The following EEF1AKMT2 variants were observed in gnomAD, a reference collection of about 807,000 sequenced individuals.
EEF1AKMT2 encodes EEF1A lysine methyltransferase 2, also known as eukaryotic translation elongation factor 1 alpha lysine methyltransferase 2.
EEF1AKMT2 carries 32 observed loss-of-function variants against 35.8 expected under a neutral mutation model. The observed-to-expected ratio is 0.89, with a 90% CI of 0.67 to 1.20. The LOEUF is 1.20. Ranked by LOEUF, EEF1AKMT2 falls within the 50% of genes most tolerant of loss-of-function variation. The pLI is 0.00. For synonymous variants in EEF1AKMT2, 121 were observed against 133.7 expected, an observed-to-expected ratio of 0.91 and a Z score of 0.65; for missense variants, 330 against 347.5, an observed-to-expected ratio of 0.95 and a Z score of 0.40.
At chr10:124,778,819 A>T (rs1950511246) in intron 3 of EEF1AKMT2, among the ~76,000 whole-genome samples, 1 of 152,136 alleles carries the variant, frequency 6.6e-6, no homozygotes, top group African/African-American at 2.4e-5. Flanking sequence ...AAGGATGATG[A>T]TAAGGCTTAT....
At position 124,775,418 on chromosome 10, in the gene EEF1AKMT2, A is replaced by G. The variant is rs182445539; in HGVS notation, c.292-636T>C. On this transcript the variant is annotated intron_variant, in intron 3 of 6. Transcript: ENST00000368836. ...TTTGGTGTTTGCTAGCCATTAACCC[A>G]TCTAGGCTGTGTAGTGTCTATGGCA... Among the ~76,000 whole-genome samples, 911 of 152,328 alleles carry G rather than the reference A, an allele frequency of 6.0e-3. 2 individuals carry two copies. Among genetic ancestry groups the G allele is most frequent in the Non-Finnish European group, 8.5e-3 (577 of 68,040 alleles).
At chr10:124,775,217 A>AT (rs1262902158) in intron 3 of EEF1AKMT2, among the ~76,000 whole-genome samples, 1 of 152,220 alleles carries the variant, frequency 6.6e-6, no homozygotes, top group Non-Finnish European at 1.5e-5. Flanking sequence ...GTAATTATAC[A>AT]TTATGCAATT....
At chr10:124,770,899 C>G (rs1244553408) in intron 4 of EEF1AKMT2, among the ~76,000 whole-genome samples, 1 of 152,180 alleles carries the variant, frequency 6.6e-6, no homozygotes, top group Non-Finnish European at 1.5e-5. Flanking sequence ...CTTCTGGCTC[C>G]ACTTCTAATT....
At position 124,758,055 on chromosome 10, in the gene EEF1AKMT2, T is replaced by C. The variant is rs1360986233; in HGVS notation, c.*2448A>G. ...TCCTACACACAGAAGTGGCCTGTTATGCAGCAATAATCATAGTGAAAAGCA... is the reference window on the plus strand; with the variant it reads ...TCCTACACACAGAAGTGGCCTGTTACGCAGCAATAATCATAGTGAAAAGCA... On this transcript the variant is annotated 3_prime_UTR_variant, in exon 7 of 7. Coordinates refer to ENST00000368836, the MANE Select transcript of EEF1AKMT2 (RefSeq NM_212554.4). 1 of 152,250 alleles carries C rather than the reference T, an allele frequency of 6.6e-6. No individual in the cohort carries two copies. Among genetic ancestry groups the C allele is most frequent in the African/African-American group, 2.4e-5 (1 of 41,484 alleles). The allele number at this position is 152,250 out of a possible 1,614,324, so 9.4% of individuals were successfully genotyped here. A position where few individuals can be genotyped will look rare whatever the true frequency, so the allele number is the denominator to read the frequency against.
At chr10:124,786,649 C>T (rs1950586868) in intron 3 of EEF1AKMT2, among the ~76,000 whole-genome samples, 1 of 151,132 alleles carries the variant, frequency 6.6e-6, no homozygotes, top group African/African-American at 2.4e-5. Flanking sequence ...CCCATCTCTA[C>T]TACAAATACA....
intron 3 of EEF1AKMT2, among the ~76,000 whole-genome samples, chr10:124,787,400 T>C (rs1484656717): frequency 8.6e-6 from 1 of 116,502 alleles, no homozygotes; most frequent in African/African-American, 3.3e-5. Context: ...GAGACTGCAC[T>C]CCAGCCTGGG....
rs573445612 is a variant in EEF1AKMT2 at position 124,791,695 on chromosome 10, C to T, written c.110+29G>A. On this transcript the variant is annotated intron_variant, in intron 1 of 6. Coordinates refer to ENST00000368836, the MANE Select transcript of EEF1AKMT2 (RefSeq NM_212554.4). ...GGGGCCCAGGCAGGGCGGCACGGCT[C>T]ATCCTCCCCTGCCCAGCGTCACACT... 2.2e-5 allele frequency: 34 copies of T among 1,557,432 alleles called. No homozygotes were observed. In the Admixed American group the frequency reaches 3.2e-4, roughly 15 times the overall value.
Position 124,765,445 on chromosome 10 carries a change from A to T in EEF1AKMT2, c.563T>A (p.Leu188Gln). 2 of 1,614,020 alleles carry T rather than the reference A, an allele frequency of 1.2e-6. No individual in the cohort carries two copies. Among genetic ancestry groups the T allele is most frequent in the Non-Finnish European group, 1.7e-6 (2 of 1,179,952 alleles). ...CTTGGTCCAATTACATGACGTTATTAGAAAAAAGCCTTTTACTTTCAACAC... is the reference window on the plus strand; with the variant it reads ...CTTGGTCCAATTACATGACGTTATTTGAAAAAAGCCTTTTACTTTCAACAC... Reference protein sequence around the residue: ...SRVLKVKGFFLITSCNWTKEE... With the variant: ...SRVLKVKGFFQITSCNWTKEE... The change falls in exon 5 of 7, where the codon CTA (leucine) becomes CAA (glutamine). Residue 188 changes from leucine to glutamine, a missense_variant. Leu to Gln is a moderately radical substitution (Grantham distance 113). Transcript: ENST00000368836.
At chr10:124,767,386 G>A (rs1470610426) in intron 4 of EEF1AKMT2, among the ~76,000 whole-genome samples, 1 of 151,344 alleles carries the variant, frequency 6.6e-6, no homozygotes, top group African/African-American at 2.4e-5. Context: ...GGTGGCATGT[G>A]CCTGTAGTCC....
At chr10:124,790,427 T>TTATGA (rs1231634198) in intron 1 of EEF1AKMT2, 89 bp from the exon 2 acceptor site, 73 of 937,300 alleles carry the variant, frequency 7.8e-5, no homozygotes, top group Non-Finnish European at 1.2e-4. Context: ...ACAGAGCTAT[T>TTATGA]TATGACAGAG....
intron 4 of EEF1AKMT2, among the ~76,000 whole-genome samples, chr10:124,771,633 G>C (rs1404397786): frequency 6.6e-6 from 1 of 151,846 alleles, no homozygotes; most frequent in African/African-American, 2.4e-5. Flanking sequence ...ACTTTGGGAG[G>C]CCAAGGCAGG....
At chr10:124,771,289 T>G (rs12779234) in intron 4 of EEF1AKMT2, among the ~76,000 whole-genome samples, 3 of 151,676 alleles carry the variant, frequency 2.0e-5, no homozygotes, top group Admixed American at 1.3e-4. Context: ...TTAGTAGAGA[T>G]GGGGTTTCAC....
At chr10:124,791,701 C>T in intron 1 of EEF1AKMT2, 23 bp downstream of exon 1, 10 of 1,562,946 alleles carry the variant, frequency 6.4e-6, no homozygotes, top group South Asian at 1.2e-5. Context: ...GGCTCATCCT[C>T]CCCTGCCCAG....
At position 124,762,320 on chromosome 10, in the gene EEF1AKMT2, G is replaced by C. The variant is rs771373265; in HGVS notation, c.855C>G (p.Ala285=). The change falls in exon 6 of 7, where the codon GCC becomes GCG. Residue 285 remains alanine, a synonymous_variant. Transcript: ENST00000368836. The part of the protein sequence containing the change: ...WPPKVLGLYH[A]RPSLAF The stretch of plus-strand genomic sequence containing the variant: ...CTTACTAAAATGCCAACGAGGGCCT[G>C]GCATGGTATAATCCCAGCACTTTGG... 19 of 1,124,550 alleles carry C rather than the reference G, an allele frequency of 1.7e-5. No homozygotes were observed. The African/African-American group carries it at 2.3e-4, about 13-fold the overall frequency. The allele number at this position is 1,124,550 out of a possible 1,614,324, so 69.7% of individuals were successfully genotyped here.
At chr10:124,788,943 A>C (rs1950612036) in intron 3 of EEF1AKMT2, 100 bp downstream of exon 3, 1 of 754,326 alleles carries the variant, frequency 1.3e-6, no homozygotes, top group Non-Finnish European at 2.2e-6. Flanking sequence ...TGACTGCTTT[A>C]CTATTTTATA....
Position 124,762,543 on chromosome 10 carries a change from G to C in EEF1AKMT2, c.632C>G (p.Ala211Gly). Residue 211 changes from alanine (A) to glycine (G), a missense_variant, in exon 6 of 7, where the codon GCA becomes GGA. By Grantham distance (60) the Ala-to-Gly change is moderately conservative. Coordinates refer to ENST00000368836, the MANE Select transcript of EEF1AKMT2 (RefSeq NM_212554.4). Reference protein sequence around the residue: ...NEFSEGWSTVAGFWLTAALTS... With the variant: ...NEFSEGWSTVGGFWLTAALTS... ...CAAGGCTGCAGTGAGCCAAAATCCT[G>C]CCACTGTACTCCAACCTGGGCAACA... 8.1e-7 allele frequency: 1 copy of C among 1,237,850 alleles called. No individual in the cohort carries two copies. 76.7% of individuals were successfully genotyped at this position (1,237,850 alleles called of 1,614,324 possible).
At chr10:124,789,299 G>T (rs752245397) in intron 2 of EEF1AKMT2, 142 bp from the exon 3 acceptor site, 1 of 571,532 alleles carries the variant, frequency 1.7e-6, no homozygotes, top group Non-Finnish European at 3.1e-6. Flanking sequence ...TGTCTCTACT[G>T]TAATTTAGGA....
In EEF1AKMT2 at chr10:124,791,726, C is replaced by T; in HGVS notation, c.108G>A (p.Glu36=). The change falls in exon 1 of 7, where the codon GAG becomes GAA. Residue 36 remains glutamate, a splice_region_variant and synonymous_variant. Transcript: ENST00000368836. Reference sequence around the variant, plus strand: ...CCCCTGCCCAGCGTCACACTCACTGCTCGCGGGTCCCCAGCGCCGACGGGA... The same window carrying T: ...CCCCTGCCCAGCGTCACACTCACTGTTCGCGGGTCCCCAGCGCCGACGGGA... ...GFVPSALGTR[E]HWDAVYEREL... is the part of the protein sequence containing the mutation. 6.3e-7 allele frequency: 1 copy of T among 1,582,954 alleles called. No homozygotes were observed. Among genetic ancestry groups the T allele is most frequent in the Non-Finnish European group, 8.6e-7 (1 of 1,169,124 alleles).
chr10:124,762,918 T>TC (rs1451259000), intron 5 of EEF1AKMT2, among the ~76,000 whole-genome samples: 1 of 152,200 alleles, frequency 6.6e-6, no homozygotes, highest in Non-Finnish European at 1.5e-5. Flanking sequence ...GACTAACTTT[T>TC]CAACTCCCTG....
Sources: allele counts gnomAD v4.1 joint callset (sites outside exome capture counted in the v4.1 genomes callset), GRCh38; gene constraint gnomAD v4.1.1; transcripts MANE v1.5; gene names NCBI Gene and HGNC (gene_info 2026-07-23, HGNC 2026-07-21).